ZFYVE28: variants seen among roughly 807,000 people sequenced by gnomAD.
ZFYVE28 encodes lateral signaling target protein 2 homolog.
In ZFYVE28, 40 loss-of-function variants were observed where a neutral mutation model predicts 82.1. The observed-to-expected ratio is 0.49, with a 90% CI of 0.38 to 0.63. The LOEUF is 0.63. Ranked by LOEUF, ZFYVE28 falls within the 30% of genes least tolerant of loss-of-function variation. ZFYVE28 has a pLI of 0.00. For missense variants in ZFYVE28, 1,321 were observed against 1,242.1 expected (o/e 1.06, Z -0.96); for synonymous variants, 612 against 546.1 (o/e 1.12, Z -1.68).
At position 2,339,238 on chromosome 4, in the gene ZFYVE28, G is replaced by A. The variant is rs1722356608; in HGVS notation, c.521+215C>T. On this transcript the variant is annotated intron_variant, in intron 4 of 12. Coordinates refer to ENST00000290974, the MANE Select transcript of ZFYVE28 (RefSeq NM_020972.3). The surrounding 1 kb of genome is among the most constrained non-coding windows in gnomAD (Gnocchi z 5.0). ...CCACGGCGGCCAGATCCACACCTGT[G>A]TCCTCTGTGCTCACCCCACTCCCTG... Among the ~76,000 whole-genome samples, 1 of 152,170 alleles carries A rather than the reference G, an allele frequency of 6.6e-6. No homozygotes were observed. The highest frequency in any genetic ancestry group is 6.5e-5 in the Admixed American group (1 of 15,274).
intron 6 of ZFYVE28, among the ~76,000 whole-genome samples, chr4:2,331,793 C>T (rs1720749776): frequency 6.6e-6 from 1 of 152,202 alleles, no homozygotes; most frequent in African/African-American, 2.4e-5. Context: ...ACACCCTAAA[C>T]AGGGGGAAGG....
chr4:2,312,741 A>AG (rs1717660722), intron 7 of ZFYVE28, among the ~76,000 whole-genome samples: 2 of 149,732 alleles, frequency 1.3e-5, no homozygotes, highest in Non-Finnish European at 3.0e-5. Flanking sequence ...AAAAAAAAAA[A>AG]AAAAAAAAAA....
intron 8 of ZFYVE28, among the ~76,000 whole-genome samples, chr4:2,287,871 G>A (rs1336982080): frequency 6.6e-6 from 1 of 152,230 alleles, no homozygotes; most frequent in East Asian, 1.9e-4. Context: ...CCAAAGTACT[G>A]AACATAAGGA....
chr4:2,332,328 G>A lies in ZFYVE28; in HGVS notation c.701+3377C>T, dbSNP rs999116011. Among the ~76,000 whole-genome samples, 4 of 152,228 alleles carry A rather than the reference G, an allele frequency of 2.6e-5. No individual in the cohort carries two copies. The highest frequency in any genetic ancestry group is 1.9e-4 in the East Asian group (1 of 5,180). On this transcript the variant is annotated intron_variant, in intron 6 of 12. Coordinates refer to ENST00000290974, the MANE Select transcript of ZFYVE28 (RefSeq NM_020972.3). This position sits in a 1 kb window ranked among gnomAD's most constrained non-coding sequence, Gnocchi z 4.7. ...TCTTCATTTCTGCAGAAGTTCCTGCGGCCCCCTGGTCCTTGCTCGAGCCCT... is the reference window on the plus strand; with the variant it reads ...TCTTCATTTCTGCAGAAGTTCCTGCAGCCCCCTGGTCCTTGCTCGAGCCCT...
At chr4:2,329,064 G>C (rs1720294487) in intron 6 of ZFYVE28, 1 of 692,970 alleles carries the variant, frequency 1.4e-6, no homozygotes, top group Non-Finnish European at 2.6e-6. Flanking sequence ...TTCCAATTTT[G>C]TTTTTGTTTT....
At chr4:2,272,662 G>A (rs1736016353) in intron 10 of ZFYVE28, among the ~76,000 whole-genome samples, 2 of 152,198 alleles carry the variant, frequency 1.3e-5, no homozygotes, top group Non-Finnish European at 2.9e-5. Context: ...CAGCTCATGG[G>A]CAGCAGTGGA....
chr4:2,356,405 C>T (rs902549861), intron 1 of ZFYVE28, among the ~76,000 whole-genome samples: 1 of 149,412 alleles, frequency 6.7e-6, no homozygotes, highest in Non-Finnish European at 1.5e-5. Flanking sequence ...CAGACCCCGC[C>T]CCCCCGGCAG....
chr4:2,374,456 A>G (rs1442464089), intron 1 of ZFYVE28, among the ~76,000 whole-genome samples: 1 of 152,142 alleles, frequency 6.6e-6, no homozygotes, highest in Admixed American at 6.5e-5. Flanking sequence ...TATAAAAAAA[A>G]ACAAAAATTA....
Position 2,339,666 on chromosome 4 carries a change from G to T in ZFYVE28, c.319-11C>A, listed in dbSNP as rs777639307. ...GCCGGCGGCCAGGCACTGCGGGAGG[G>T]GACACACTCAGGGAGGGGCCCGGGT... On this transcript the variant is annotated splice_polypyrimidine_tract_variant and intron_variant, in intron 3 of 12. Transcript: ENST00000290974. This position sits in a 1 kb window ranked among gnomAD's most constrained non-coding sequence, Gnocchi z 5.0. The T allele has an allele frequency of 1.3e-6, 2 of 1,585,512 alleles. No individual in the cohort carries two copies. Among genetic ancestry groups the T allele is most frequent in the South Asian group, 1.1e-5 (1 of 87,426 alleles).
chr4:2,393,464 T>C (rs1409457968), intron 1 of ZFYVE28, among the ~76,000 whole-genome samples: 2 of 152,102 alleles, frequency 1.3e-5, no homozygotes, highest in Non-Finnish European at 2.9e-5. Flanking sequence ...CCCTGGAAGC[T>C]CACCACCTAC....
At chr4:2,317,983 T>C (rs1211643454) in intron 7 of ZFYVE28, among the ~76,000 whole-genome samples, 1 of 152,220 alleles carries the variant, frequency 6.6e-6, no homozygotes, top group Non-Finnish European at 1.5e-5. Flanking sequence ...AAGCCTGTTG[T>C]CAGGGGGCTT....
Position 2,418,331 on chromosome 4 carries a change from CCGGCCCTGGCCGGACTCCGGG to C in ZFYVE28, c.-29_-9del. On this transcript the variant is annotated 5_prime_UTR_variant, in exon 1 of 13. Coordinates refer to ENST00000290974, the MANE Select transcript of ZFYVE28 (RefSeq NM_020972.3). This position sits in a 1 kb window ranked among gnomAD's most constrained non-coding sequence, Gnocchi z 4.6. Reference sequence around the variant, plus strand: ...TCGGAACCTGTTCATCATCGCCGCGCCGGCCCTGGCCGGACTCCGGGCGGCCCTCGCCCTCCGCAGCGCTGC... The same window carrying C: ...TCGGAACCTGTTCATCATCGCCGCGCCGGCCCTCGCCCTCCGCAGCGCTGC... The C allele has an allele frequency of 6.6e-7, 1 of 1,507,594 alleles. No homozygotes were observed. The highest frequency in any genetic ancestry group is 8.9e-7 in the Non-Finnish European group (1 of 1,125,782). 93.4% of individuals were successfully genotyped at this position (1,507,594 alleles called of 1,614,324 possible). A position where few individuals can be genotyped will look rare whatever the true frequency, so the allele number is the denominator to read the frequency against.
At chr4:2,363,644 G>A (rs1430623528) in intron 1 of ZFYVE28, among the ~76,000 whole-genome samples, 1 of 152,204 alleles carries the variant, frequency 6.6e-6, no homozygotes, top group Non-Finnish European at 1.5e-5. Context: ...CCTGTGTTGC[G>A]TAACTTGTAT....
At chr4:2,284,826 C>T (rs563411128) in intron 8 of ZFYVE28, among the ~76,000 whole-genome samples, 42 of 152,304 alleles carry the variant, frequency 2.8e-4, no homozygotes, top group African/African-American at 9.6e-4. Context: ...TCAGCTCAGG[C>T]CACAGCGGAA....
At chr4:2,359,196 T>C (rs946864278) in intron 1 of ZFYVE28, among the ~76,000 whole-genome samples, 2 of 151,714 alleles carry the variant, frequency 1.3e-5, no homozygotes, top group South Asian at 2.1e-4. Flanking sequence ...TCAGCCAGGA[T>C]GGTCTCGATC....
intron 8 of ZFYVE28, among the ~76,000 whole-genome samples, chr4:2,290,483 C>G (rs1423413115): frequency 6.6e-6 from 1 of 152,218 alleles, no homozygotes; most frequent in Non-Finnish European, 1.5e-5. Context: ...TGTTGGCCCT[C>G]TCCAGCTTTG....
rs1723873138 is a variant in ZFYVE28 at position 2,348,290 on chromosome 4, A to T, written c.180+5643T>A. Among the ~76,000 whole-genome samples the T allele has an allele frequency of 2.0e-5, 3 of 152,226 alleles. No individual in the cohort carries two copies. In the South Asian group the frequency reaches 6.2e-4, roughly 31 times the overall value. ...GAAATAATGTGAAAACCCTATATTT[A>T]TTCAAGAAATTAAATTTGTAGTTAA... On this transcript the variant is annotated intron_variant, in intron 2 of 12. Coordinates refer to ENST00000290974, the MANE Select transcript of ZFYVE28 (RefSeq NM_020972.3).
In ZFYVE28 at chr4:2,320,318, T is replaced by C; in HGVS notation, c.702-47A>G. ...CAGGATGTCAGGCCCTGTGGCCCCC[T>C]GGGTGCCGCGGACGGCCCAACTTAA... On this transcript the variant is annotated intron_variant, in intron 6 of 12. Coordinates refer to ENST00000290974, the MANE Select transcript of ZFYVE28 (RefSeq NM_020972.3). This position sits in a 1 kb window ranked among gnomAD's most constrained non-coding sequence, Gnocchi z 5.1. 6.8e-7 allele frequency: 1 copy of C among 1,472,770 alleles called. No individual in the cohort carries two copies. The highest frequency in any genetic ancestry group is 9.4e-7 in the Non-Finnish European group (1 of 1,064,988). The allele number at this position is 1,472,770 out of a possible 1,614,324, so 91.2% of individuals were successfully genotyped here.
chr4:2,395,492 G>A (rs1730342739), intron 1 of ZFYVE28, among the ~76,000 whole-genome samples: 3 of 152,208 alleles, frequency 2.0e-5, no homozygotes, highest in African/African-American at 7.2e-5. Flanking sequence ...CGTGGGAGCT[G>A]GAACAGTGTG....
Sources: gnomAD v4.1 joint callset for allele counts (sites outside exome capture counted in the v4.1 genomes callset) on GRCh38, gnomAD v4.1.1 for gene constraint, Gnocchi (gnomAD v3.1) non-coding constraint, MANE v1.5 for transcripts, NCBI Gene and HGNC (gene_info 2026-07-23, HGNC 2026-07-21) for gene names.